The following VAV1 variants were observed in gnomAD, a reference collection of about 807,000 sequenced individuals.
VAV1 encodes the protein proto-oncogene vav.
VAV1 carries 33 observed loss-of-function variants against 128.1 expected under a neutral mutation model. That is an observed-to-expected ratio of 0.26 (90% CI 0.20 to 0.34). The LOEUF (loss-of-function observed/expected upper bound fraction) is 0.34, where lower values mean the gene tolerates loss of function less well. Among genes scored for constraint, VAV1 ranks in the 10% least tolerant of loss-of-function variants. VAV1 has a pLI of 1.00. For synonymous variants in VAV1, 394 were observed against 409.8 expected, an observed-to-expected ratio of 0.96 and a Z score of 0.47; for missense variants, 715 against 1,093.7, an observed-to-expected ratio of 0.65 and a Z score of 4.88.
rs773007761 is a variant in VAV1 at position 6,825,261 on chromosome 19, C to T, written c.724-42C>T. The T allele has an allele frequency of 6.2e-5, 98 of 1,589,270 alleles. No individual in the cohort carries two copies. The Middle Eastern group carries it at 1.3e-3, about 22-fold the overall frequency. ...ACCCTTTCCTTCCTGGCCCCCTGAGCCCTGGGCTCTGGTCCCAGCCCTCAC... is the reference window on the plus strand; with the variant it reads ...ACCCTTTCCTTCCTGGCCCCCTGAGTCCTGGGCTCTGGTCCCAGCCCTCAC... On this transcript the variant is annotated intron_variant, in intron 7 of 26. Transcript: ENST00000602142.
At chr19:6,823,578 C>CTGTA (rs1205868881) in intron 6 of VAV1, among the ~76,000 whole-genome samples, 1 of 151,938 alleles carries the variant, frequency 6.6e-6, no homozygotes, top group African/African-American at 2.4e-5. Flanking sequence ...AGCAATCCTC[C>CTGTA]TGTAATCCAA....
At chr19:6,809,131 G>A (rs1175230084) in intron 1 of VAV1, among the ~76,000 whole-genome samples, 2 of 150,916 alleles carry the variant, frequency 1.3e-5, no homozygotes, top group Non-Finnish European at 2.9e-5. Flanking sequence ...CCCAAGCTGG[G>A]GTGCAGTGAC....
intron 1 of VAV1, among the ~76,000 whole-genome samples, chr19:6,801,829 T>C (rs1321121167): frequency 6.6e-6 from 1 of 152,118 alleles, no homozygotes; most frequent in Non-Finnish European, 1.5e-5. Context: ...CCTTTCTGGC[T>C]CTTTCTTCAT....
Position 6,794,617 on chromosome 19 carries a change from G to A in VAV1, c.204+21606G>A, listed in dbSNP as rs151078917. 1.2e-3 allele frequency among the ~76,000 whole-genome samples: 189 copies of A among 152,258 alleles called. 1 individual carries two copies. The highest frequency in any genetic ancestry group is 6.7e-3 in the Admixed American group (102 of 15,298). Reference sequence around the variant, plus strand: ...TCATGAATAGCAACAAAAGCAATAGGTCACTTTAATGAGCACCCACTATGT... The same window carrying A: ...TCATGAATAGCAACAAAAGCAATAGATCACTTTAATGAGCACCCACTATGT... On this transcript the variant is annotated intron_variant, in intron 1 of 26. Coordinates refer to ENST00000602142, the MANE Select transcript of VAV1 (RefSeq NM_005428.4).
chr19:6,800,655 C>T (rs1284252988), intron 1 of VAV1, among the ~76,000 whole-genome samples: 2 of 144,826 alleles, frequency 1.4e-5, no homozygotes, highest in African/African-American at 2.6e-5. Flanking sequence ...GAGACATCCT[C>T]GGTCTGTTGC....
At chr19:6,806,369 G>A (rs749771918) in intron 1 of VAV1, among the ~76,000 whole-genome samples, 2 of 152,112 alleles carry the variant, frequency 1.3e-5, no homozygotes, top group Non-Finnish European at 2.9e-5. Context: ...CCAGGCGTGA[G>A]CCACCATGCA....
rs746388456 is a variant in VAV1 at position 6,833,520 on chromosome 19, C to T, written c.1611-8C>T. The T allele has an allele frequency of 1.9e-5, 31 of 1,590,986 alleles. No individual in the cohort carries two copies. The highest frequency in any genetic ancestry group is 3.4e-4 in the Middle Eastern group (2 of 5,798). On this transcript the variant is annotated splice_region_variant and splice_polypyrimidine_tract_variant and intron_variant, in intron 16 of 26. Transcript: ENST00000602142. ...CTCGCTCTTCTTTATGTGTTCCCTG[C>T]ATCTCAGAGGTACCTTCTATCAGGG...
chr19:6,856,222 A>T lies in VAV1; in HGVS notation c.2485-832A>T, dbSNP rs575789902. On this transcript the variant is annotated intron_variant, in intron 26 of 26. Coordinates refer to ENST00000602142, the MANE Select transcript of VAV1 (RefSeq NM_005428.4). ...TGAGGCAGGAGAATCGCTTGAACCCAGGAGGCGGAGGCTGTGGTGAGCTGA... is the reference window on the plus strand; with the variant it reads ...TGAGGCAGGAGAATCGCTTGAACCCTGGAGGCGGAGGCTGTGGTGAGCTGA... 6.3e-4 allele frequency among the ~76,000 whole-genome samples: 95 copies of T among 151,176 alleles called. 4 individuals are homozygous for T. In the South Asian group the frequency reaches 0.018, roughly 29 times the overall value.
In VAV1 at chr19:6,820,642, G is replaced by T; in HGVS notation, c.205-60G>T. 4 of 1,440,858 alleles carry T rather than the reference G, an allele frequency of 2.8e-6. No homozygotes were observed. The highest frequency in any genetic ancestry group is 3.9e-6 in the Non-Finnish European group (4 of 1,024,256). The allele number at this position is 1,440,858 out of a possible 1,614,324, so 89.3% of individuals were successfully genotyped here. A position where few individuals can be genotyped will look rare whatever the true frequency, so the allele number is the denominator to read the frequency against. ...CAGTCCCCAAGCTAGGTGGCCTGGG[G>T]GTCAGTTTCTCCCCTGCCCTTTCGT... On this transcript the variant is annotated intron_variant, in intron 1 of 26. Transcript: ENST00000602142. This position sits in a 1 kb window ranked among gnomAD's most constrained non-coding sequence, Gnocchi z 4.4.
chr19:6,815,445 C>T (rs966350370), intron 1 of VAV1, among the ~76,000 whole-genome samples: 1 of 152,216 alleles, frequency 6.6e-6, no homozygotes, highest in Middle Eastern at 3.4e-3. Context: ...ACCCATCATA[C>T]AGTTGTTTCT....
At chr19:6,774,183 A>G (rs947190042) in intron 1 of VAV1, among the ~76,000 whole-genome samples, 2 of 152,030 alleles carry the variant, frequency 1.3e-5, no homozygotes, top group Admixed American at 1.3e-4. Context: ...GCTGGAGTGC[A>G]ATGGCACCAT....
intron 20 of VAV1, 28 bp downstream of exon 20, chr19:6,836,596 G>T (rs1447944201): frequency 1.2e-6 from 2 of 1,612,356 alleles, no homozygotes; most frequent in Admixed American, 3.3e-5. Flanking sequence ...AAGAGTGATG[G>T]GGTGGGACCC....
At chr19:6,793,567 A>G (rs1971065172) in intron 1 of VAV1, among the ~76,000 whole-genome samples, 1 of 151,920 alleles carries the variant, frequency 6.6e-6, no homozygotes. Context: ...AATGTGCAGG[A>G]CCCAGTGCTT....
chr19:6,843,586 C>CA (rs1258831208), intron 22 of VAV1, among the ~76,000 whole-genome samples: 2 of 152,088 alleles, frequency 1.3e-5, no homozygotes, highest in African/African-American at 4.8e-5. Context: ...ATTCTGACCC[C>CA]AACCTTACCT....
intron 22 of VAV1, among the ~76,000 whole-genome samples, chr19:6,844,064 T>A (rs974552659): frequency 6.6e-5 from 2 of 30,466 alleles, no homozygotes; most frequent in African/African-American, 2.5e-4. Context: ...CTTCTTCTTC[T>A]TTTTTTTTTT....
Position 6,837,030 on chromosome 19 carries a change from A to T in VAV1, c.1960A>T (p.Arg654Trp). Residue 654 changes from arginine (R) to tryptophan (W), a missense_variant, in exon 21 of 27, where the codon AGG (arginine) becomes TGG (tryptophan). Around this residue, in one of 3 missense-constraint regions of VAV1, gnomAD observed 407 missense variants for 580.6 expected, o/e 0.70. Coordinates refer to ENST00000602142, the MANE Select transcript of VAV1 (RefSeq NM_005428.4). ...TNEIGWFPCN[R>W]VKPYVHGPPQ... is the part of the protein sequence containing the mutation. ...TGAAATTGGCTGGTTTCCTTGTAAC[A>T]GGGTGAAGCCCTATGTCCATGTGAG... is the stretch of plus-strand genomic sequence containing the variant. The T allele has an allele frequency of 1.2e-6, 2 of 1,614,138 alleles. No individual in the cohort carries two copies. Among genetic ancestry groups the T allele is most frequent in the Non-Finnish European group, 1.7e-6 (2 of 1,180,004 alleles).
chr19:6,852,036 C>G (rs1428415089), intron 24 of VAV1, among the ~76,000 whole-genome samples: 2 of 152,072 alleles, frequency 1.3e-5, no homozygotes, highest in Non-Finnish European at 2.9e-5. Flanking sequence ...ATACAAGAGA[C>G]AGGGTCTTGC....
rs1382918077 is a variant in VAV1 at position 6,826,908 on chromosome 19, TG to T, written c.927+200del. 2.0e-5 allele frequency: 12 copies of T among 599,462 alleles called. No individual in the cohort carries two copies. In the African/African-American group the frequency reaches 2.0e-4, roughly 10 times the overall value. The allele number at this position is 599,462 out of a possible 1,614,324, so 37.1% of individuals were successfully genotyped here. A position where few individuals can be genotyped will look rare whatever the true frequency, so the allele number is the denominator to read the frequency against. On this transcript the variant is annotated intron_variant, in intron 9 of 26. Transcript: ENST00000602142. The surrounding 1 kb of genome is among the most constrained non-coding windows in gnomAD (Gnocchi z 4.1). ...AACAGAAATGGGCTGGCCCTGGGTC[TG>T]GGCTGACCCCTGATATCAGGGTGAA... is the stretch of plus-strand genomic sequence containing the variant.
chr19:6,791,117 C>T (rs1971007946), intron 1 of VAV1, among the ~76,000 whole-genome samples: 1 of 152,214 alleles, frequency 6.6e-6, no homozygotes, highest in South Asian at 2.1e-4. Flanking sequence ...ATTTAGGGCC[C>T]ACCTGGATGA....
Sources: allele counts gnomAD v4.1 joint callset (sites outside exome capture counted in the v4.1 genomes callset), GRCh38; gene constraint gnomAD v4.1.1; regional missense constraint gnomAD v4.1.1; non-coding constraint Gnocchi (gnomAD v3.1); transcripts MANE v1.5; gene names NCBI Gene and HGNC (gene_info 2026-07-23, HGNC 2026-07-21).